BRINP3: variants seen among roughly 807,000 people sequenced by gnomAD.
The protein encoded by BRINP3 is BMP/retinoic acid-inducible neural-specific protein 3.
Under a neutral mutation model 71.0 loss-of-function variants are expected in BRINP3, and 19 were observed. The ratio of observed to expected loss-of-function variants is 0.27; its 90% CI spans 0.19 to 0.39. The LOEUF (loss-of-function observed/expected upper bound fraction) is 0.39, where lower values mean the gene tolerates loss of function less well. Among genes scored for constraint, BRINP3 ranks in the 10% least tolerant of loss-of-function variants. The pLI is 1.00. For missense variants in BRINP3, 959 were observed against 940.8 expected, an observed-to-expected ratio of 1.02 and a Z score of -0.25; for synonymous variants, 380 against 337.7, an observed-to-expected ratio of 1.13 and a Z score of -1.37.
intron 2 of BRINP3, among the ~76,000 whole-genome samples, chr1:190,439,810 T>G (rs777900371): frequency 5.3e-5 from 8 of 152,002 alleles, no homozygotes; most frequent in African/African-American, 9.7e-5. Flanking sequence ...TTATTTCCTA[T>G]AATAAAGCAT....
intron 4 of BRINP3, among the ~76,000 whole-genome samples, chr1:190,263,840 G>C (rs377012080): frequency 6.6e-6 from 1 of 151,906 alleles, no homozygotes; most frequent in East Asian, 1.9e-4. Flanking sequence ...CCCCCGCCTC[G>C]GCCTCCCAAA....
At chr1:190,335,338 C>A (rs1667218900) in intron 2 of BRINP3, among the ~76,000 whole-genome samples, 1 of 151,778 alleles carries the variant, frequency 6.6e-6, no homozygotes, top group South Asian at 2.1e-4. Context: ...TACTACTTGC[C>A]TTAAAAGATG....
intron 6 of BRINP3, among the ~76,000 whole-genome samples, chr1:190,161,647 C>T (rs553949964): frequency 2.0e-5 from 3 of 151,818 alleles, no homozygotes; most frequent in Non-Finnish European, 2.9e-5. Flanking sequence ...GTTGATGCTA[C>T]ACTAAAATAA....
At chr1:190,437,850 CAT>C (rs901368805) in intron 2 of BRINP3, among the ~76,000 whole-genome samples, 2 of 151,654 alleles carry the variant, frequency 1.3e-5, no homozygotes, top group South Asian at 2.1e-4. Context: ...TAAAATATAA[CAT>C]ATATTGTAGA....
intron 2 of BRINP3, among the ~76,000 whole-genome samples, chr1:190,324,084 G>C (rs191738646): frequency 2.0e-5 from 3 of 151,796 alleles, no homozygotes; most frequent in Non-Finnish European, 2.9e-5. Context: ...GCAAAAAGTA[G>C]GAAGAACACT....
chr1:190,466,400 G>A (rs943428901), intron 1 of BRINP3, among the ~76,000 whole-genome samples: 9 of 151,624 alleles, frequency 5.9e-5, no homozygotes, highest in African/African-American at 2.2e-4. Flanking sequence ...TTCTAGAGAA[G>A]CATAAATAAG....
chr1:190,399,499 C>T (rs1671791357), intron 2 of BRINP3, among the ~76,000 whole-genome samples: 1 of 151,808 alleles, frequency 6.6e-6, no homozygotes, highest in Non-Finnish European at 1.5e-5. Context: ...AAATAGCTCT[C>T]ATTTAGAATT....
At chr1:190,329,068 G>T (rs1666794880) in intron 2 of BRINP3, among the ~76,000 whole-genome samples, 1 of 151,878 alleles carries the variant, frequency 6.6e-6, no homozygotes, top group Non-Finnish European at 1.5e-5. Flanking sequence ...TAAATATAAT[G>T]CTGACCAGGC....
chr1:190,161,536 A>G (rs886089674), intron 6 of BRINP3, among the ~76,000 whole-genome samples: 2 of 152,064 alleles, frequency 1.3e-5, no homozygotes, highest in Non-Finnish European at 2.9e-5. Context: ...TGCTAAAAAA[A>G]TACTGAAAAG....
At chr1:190,192,149 C>T (rs1654088474) in intron 6 of BRINP3, among the ~76,000 whole-genome samples, 1 of 152,234 alleles carries the variant, frequency 6.6e-6, no homozygotes, top group South Asian at 2.1e-4. Flanking sequence ...CAATACTTCA[C>T]AGGGCATATT....
chr1:190,283,407 C>A (rs1359281589), intron 2 of BRINP3, among the ~76,000 whole-genome samples: 1 of 151,810 alleles, frequency 6.6e-6, no homozygotes, highest in East Asian at 1.9e-4. Flanking sequence ...AACAACCGAT[C>A]TACATAATTT....
intron 5 of BRINP3, among the ~76,000 whole-genome samples, chr1:190,230,282 G>A (rs1316770667): frequency 1.3e-5 from 2 of 151,882 alleles, no homozygotes; most frequent in Non-Finnish European, 2.9e-5. Flanking sequence ...GAAAATTGAT[G>A]AGGAACGTAA....
chr1:190,285,547 C>A (rs924996454), intron 2 of BRINP3, among the ~76,000 whole-genome samples: 1 of 151,654 alleles, frequency 6.6e-6, no homozygotes, highest in Non-Finnish European at 1.5e-5. Flanking sequence ...GGCAGTGAAC[C>A]GAGATCATGC....
At chr1:190,254,431 T>C (rs958567077) in intron 4 of BRINP3, among the ~76,000 whole-genome samples, 2 of 152,202 alleles carry the variant, frequency 1.3e-5, no homozygotes, top group Non-Finnish European at 2.9e-5. Flanking sequence ...CATTGGTTTG[T>C]GTCCTCTTTT....
Position 190,234,497 on chromosome 1 carries a change from C to G in BRINP3, c.619-20G>C. On this transcript the variant is annotated intron_variant, in intron 4 of 7. Transcript: ENST00000367462. The stretch of plus-strand genomic sequence containing the variant: ...TGTTACCTGGCAAACAAAACATCAA[C>G]TTTATTATCTAAATCAGACTTTACA... 1.3e-6 allele frequency: 2 copies of G among 1,556,790 alleles called. No homozygotes were observed. The highest frequency in any genetic ancestry group is 1.8e-6 in the Non-Finnish European group (2 of 1,128,888).
intron 2 of BRINP3, among the ~76,000 whole-genome samples, chr1:190,367,722 T>C (rs1423004634): frequency 6.6e-6 from 1 of 152,154 alleles, no homozygotes; most frequent in Non-Finnish European, 1.5e-5. Flanking sequence ...TCCACAGATA[T>C]CTAAGGCAGG....
chr1:190,210,722 A>C (rs1314118329), intron 6 of BRINP3, among the ~76,000 whole-genome samples: 1 of 152,042 alleles, frequency 6.6e-6, no homozygotes, highest in African/African-American at 2.4e-5. Context: ...CTGATTGTCA[A>C]CTTGATTGGC....
chr1:190,214,659 T>C (rs568786093), intron 6 of BRINP3, among the ~76,000 whole-genome samples: 1 of 152,124 alleles, frequency 6.6e-6, no homozygotes, highest in South Asian at 2.1e-4. Flanking sequence ...GTTTTCTCCT[T>C]CTGCCATCGT....
chr1:190,344,780 G>T lies in BRINP3; in HGVS notation c.237-63030C>A, dbSNP rs1667902512. On this transcript the variant is annotated intron_variant, in intron 2 of 7. Coordinates refer to ENST00000367462, the MANE Select transcript of BRINP3 (RefSeq NM_199051.3). Reference sequence around the variant, plus strand: ...CTAAATAATGATAGTGGTAGACACAGTATTAAATTATTGCTAGTCAGAGTA... The same window carrying T: ...CTAAATAATGATAGTGGTAGACACATTATTAAATTATTGCTAGTCAGAGTA... Among the ~76,000 whole-genome samples, 4 of 151,788 alleles carry T rather than the reference G, an allele frequency of 2.6e-5. No individual in the cohort carries two copies. In the South Asian group the frequency reaches 8.3e-4, roughly 31 times the overall value.
Sources: allele counts gnomAD v4.1 joint callset (sites outside exome capture counted in the v4.1 genomes callset), GRCh38; gene constraint gnomAD v4.1.1; transcripts MANE v1.5; gene names NCBI Gene and HGNC (gene_info 2026-07-23, HGNC 2026-07-21).